ANOS1: variants seen among roughly 807,000 people sequenced by gnomAD.
The protein encoded by ANOS1 is anosmin-1.
In ANOS1, 6 loss-of-function variants were observed where a neutral mutation model predicts 59.0. The observed-to-expected ratio is 0.10, with a 90% CI of 0.06 to 0.20. The LOEUF (loss-of-function observed/expected upper bound fraction) is 0.20. Ranked by LOEUF, ANOS1 falls within the 10% of genes least tolerant of loss-of-function variation. ANOS1 has a pLI of 1.00. For missense variants in ANOS1, 433 were observed against 542.3 expected, an observed-to-expected ratio of 0.80 and a Z score of 2.00; for synonymous variants, 217 against 223.4, an observed-to-expected ratio of 0.97 and a Z score of 0.25.
chrX:8,664,558 C>CTACA (rs1932102091), intron 2 of ANOS1, among the ~76,000 whole-genome samples: 1 of 110,292 alleles, frequency 9.1e-6, no homozygotes, highest in South Asian at 3.9e-4. Context: ...ATTCCAGCCA[C>CTACA]TACAAAATAA....
intron 2 of ANOS1, among the ~76,000 whole-genome samples, chrX:8,659,240 A>AG (rs1208083578): frequency 5.5e-5 from 6 of 109,255 alleles, no homozygotes; most frequent in Admixed American, 9.8e-5. Flanking sequence ...AAAAAAAAAA[A>AG]AAATACACAT....
chrX:8,653,135 C>T (rs1320650184), intron 2 of ANOS1, among the ~76,000 whole-genome samples: 1 of 111,641 alleles, frequency 9.0e-6, no homozygotes, highest in Non-Finnish European at 1.9e-5. Context: ...GTATTATAGG[C>T]ATGAGCCACT....
chrX:8,712,092 G>A (rs967328068), intron 1 of ANOS1, among the ~76,000 whole-genome samples: 1 of 111,810 alleles, frequency 8.9e-6, no homozygotes, highest in African/African-American at 3.3e-5. Context: ...ATTGTCTCTC[G>A]GTTCTGGAGG....
At chrX:8,561,910 T>A (rs930582719) in intron 8 of ANOS1, among the ~76,000 whole-genome samples, 1 of 111,548 alleles carries the variant, frequency 9.0e-6, no homozygotes, top group African/African-American at 3.3e-5. Flanking sequence ...TTGCTTTATA[T>A]CCTAGGCAAA....
At chrX:8,552,138 T>C (rs2079000731) in intron 9 of ANOS1, among the ~76,000 whole-genome samples, 1 of 112,077 alleles carries the variant, frequency 8.9e-6, no homozygotes, top group Non-Finnish European at 1.9e-5. Context: ...CGAATTCAAA[T>C]AACAATGAGG....
At chrX:8,606,116 GA>G (rs1432199340) in intron 3 of ANOS1, among the ~76,000 whole-genome samples, 4 of 110,834 alleles carry the variant, frequency 3.6e-5, no homozygotes, top group African/African-American at 6.6e-5. Context: ...ACTTATAGAA[GA>G]AAAAAAAGTT....
chrX:8,620,982 C>T (rs1931281960), intron 3 of ANOS1, among the ~76,000 whole-genome samples: 2 of 111,815 alleles, frequency 1.8e-5, no homozygotes, highest in Non-Finnish European at 3.8e-5. Context: ...TTATATCTTC[C>T]TTCTCAGCGA....
In ANOS1 at chrX:8,594,705, TATATACAC is replaced by T. The variant is rs1930696667; in HGVS notation, c.541+2321_541+2328del. Among the ~76,000 whole-genome samples the T allele has an allele frequency of 2.9e-5, 2 of 70,109 alleles. 1 individual carries two copies. Among genetic ancestry groups the T allele is most frequent in the South Asian group, 1.3e-3 (2 of 1,517 alleles). The allele number at this position is 70,109 out of a possible 115,157, so 60.9% of individuals were successfully genotyped here. On this transcript the variant is annotated intron_variant, in intron 4 of 13. Transcript: ENST00000262648. ...ATATATATATATATATATACACATA[TATATACAC>T]ATATATATATCTACATATATATGTG...
At chrX:8,558,283 G>T (rs1398985200) in intron 8 of ANOS1, among the ~76,000 whole-genome samples, 1 of 110,863 alleles carries the variant, frequency 9.0e-6, no homozygotes, top group Non-Finnish European at 1.9e-5. Context: ...TAACAAACCT[G>T]CATGTTCTGC....
At chrX:8,550,353 C>T (rs1186781941) in intron 9 of ANOS1, among the ~76,000 whole-genome samples, 1 of 111,412 alleles carries the variant, frequency 9.0e-6, no homozygotes, top group Non-Finnish European at 1.9e-5. Flanking sequence ...AATTTTAAAC[C>T]TGAATACAGT....
rs768380812 is a variant in ANOS1, at chrX:8,535,762, T to G, written c.1671A>C (p.Ser557=). 3 of 1,211,844 alleles carry G rather than the reference T, an allele frequency of 2.5e-6. No individual in the cohort carries two copies. Among genetic ancestry groups the G allele is most frequent in the Non-Finnish European group, 3.4e-6 (3 of 895,381 alleles). ...TGATGTTCACATCCTGGACGATGAA[T>G]GAAGCAGAAAGGTTCTCAGGCTTAG... ...VLAKPENLSA[S]FIVQDVNITG... Residue 557 remains serine, a synonymous_variant, in exon 12 of 14, where the codon TCA becomes TCC. Transcript: ENST00000262648.
In ANOS1 at chrX:8,581,126, G is replaced by C. The variant is rs1383612328; in HGVS notation, c.856+4141C>G. Among the ~76,000 whole-genome samples the C allele has an allele frequency of 1.7e-4, 19 of 110,018 alleles. No homozygotes were observed. In the Admixed American group the frequency reaches 1.8e-3, roughly 11 times the overall value. ...GATATGGTTTGGCTGTGTCCCCACC[G>C]AAATCTCAACTTGAATTGTATCTCC... On this transcript the variant is annotated intron_variant, in intron 6 of 13. Transcript: ENST00000262648.
At chrX:8,677,109 C>T (rs771567351) in intron 2 of ANOS1, among the ~76,000 whole-genome samples, 2 of 111,432 alleles carry the variant, frequency 1.8e-5, no homozygotes, top group East Asian at 2.8e-4. Flanking sequence ...ACACTCAGCA[C>T]GTGAAATGTG....
Position 8,553,971 on chromosome X carries a change from G to C in ANOS1, c.1335C>G (p.Val445=), listed in dbSNP as rs1929898516. The C allele has an allele frequency of 8.3e-7, 1 of 1,208,185 alleles. No homozygotes were observed. The highest frequency in any genetic ancestry group is 1.7e-5 in the African/African-American group (1 of 57,147). ...ATGTACCTTCTGTCTTCTTCCAGTAGACTTTAACTTGCAGTTGGCCATCCT... is the reference window on the plus strand; with the variant it reads ...ATGTACCTTCTGTCTTCTTCCAGTACACTTTAACTTGCAGTTGGCCATCCT... ...FYQDGQLQVK[V]YWKKTEDPTV... Residue 445 remains valine (V), a synonymous_variant, in exon 9 of 14, where the codon GTC becomes GTG. Transcript: ENST00000262648.
chrX:8,570,923 G>A (rs996831567), intron 6 of ANOS1, among the ~76,000 whole-genome samples: 2 of 109,981 alleles, frequency 1.8e-5, no homozygotes, highest in Admixed American at 2.0e-4. Context: ...GACAGCCTGG[G>A]CAACATAGTG....
Position 8,675,435 on chromosome X carries a change from G to A in ANOS1, c.255+24263C>T, listed in dbSNP as rs140062077. On this transcript the variant is annotated intron_variant, in intron 2 of 13. Transcript: ENST00000262648. The stretch of plus-strand genomic sequence containing the variant: ...CATTTCATCAGAAATCATTCCCTCC[G>A]TGGCAGTGTGCAAAGACAGTCCACC... 2.8e-3 allele frequency among the ~76,000 whole-genome samples: 306 copies of A among 111,272 alleles called. 2 individuals carry two copies. Among genetic ancestry groups the A allele is most frequent in the African/African-American group, 9.6e-3 (293 of 30,575 alleles).
At chrX:8,697,717 C>A (rs1386471928) in intron 2 of ANOS1, among the ~76,000 whole-genome samples, 1 of 112,119 alleles carries the variant, frequency 8.9e-6, no homozygotes, top group Admixed American at 9.5e-5. Context: ...TCTGAGTTTT[C>A]TGACTTTTCT....
Position 8,600,687 on chromosome X carries a change from T to G in ANOS1, c.319-3431A>C, listed in dbSNP as rs922315801. Among the ~76,000 whole-genome samples, 15 of 112,610 alleles carry G rather than the reference T, an allele frequency of 1.3e-4. No individual in the cohort carries two copies. In the Admixed American group the frequency reaches 1.4e-3, roughly 11 times the overall value. On this transcript the variant is annotated intron_variant, in intron 3 of 13. Coordinates refer to ENST00000262648, the MANE Select transcript of ANOS1 (RefSeq NM_000216.4). Reference sequence around the variant, plus strand: ...CCATTTTTCTGTTAGCTGTTAGATGTGTTTTACTTCATTGAGTTTTGAAGC... The same window carrying G: ...CCATTTTTCTGTTAGCTGTTAGATGGGTTTTACTTCATTGAGTTTTGAAGC...
At chrX:8,650,851 G>A (rs1227850736) in intron 2 of ANOS1, among the ~76,000 whole-genome samples, 1 of 112,761 alleles carries the variant, frequency 8.9e-6, no homozygotes, top group Non-Finnish European at 1.9e-5. Context: ...TGTAGTCACA[G>A]AGGGAGTACT....
Sources: allele counts gnomAD v4.1 joint callset (sites outside exome capture counted in the v4.1 genomes callset), GRCh38; gene constraint gnomAD v4.1.1; transcripts MANE v1.5; gene names NCBI Gene and HGNC (gene_info 2026-07-23, HGNC 2026-07-21).